ATF3: variants seen among roughly 807,000 people sequenced by gnomAD.
ATF3 encodes activating transcription factor 3.
ATF3 carries 10 observed loss-of-function variants against 18.4 expected under a neutral mutation model. The ratio of observed to expected loss-of-function variants is 0.54; its 90% CI spans 0.34 to 0.92. The LOEUF (loss-of-function observed/expected upper bound fraction) is 0.92, where lower values mean the gene tolerates loss of function less well. Ranked by LOEUF, ATF3 falls within the 40% of genes least tolerant of loss-of-function variation. ATF3 has a pLI of 0.02. For missense variants in ATF3, 183 were observed against 222.3 expected (o/e 0.82, Z 1.12); for synonymous variants, 78 against 87.9 (o/e 0.89, Z 0.63).
chr1:212,597,410 TA>T (rs1163297025), intron 1 of ATF3, among the ~76,000 whole-genome samples: 20 of 124,970 alleles, frequency 1.6e-4, no homozygotes, highest in African/African-American at 6.2e-4. Context: ...GGTACTGAGT[TA>T]CATCTATTTA....
chr1:212,567,767 A>G (rs1162939040), intron 1 of ATF3, among the ~76,000 whole-genome samples: 2 of 152,214 alleles, frequency 1.3e-5, no homozygotes, highest in Non-Finnish European at 2.9e-5. Flanking sequence ...TGGGGGCAGA[A>G]GCCCATGGGG....
At chr1:212,609,726 C>T (rs1341691862) in intron 1 of ATF3, among the ~76,000 whole-genome samples, 1 of 152,230 alleles carries the variant, frequency 6.6e-6, no homozygotes, top group Non-Finnish European at 1.5e-5. Flanking sequence ...CGCGGGAGAC[C>T]CACCGTGGCG....
intron 1 of ATF3, among the ~76,000 whole-genome samples, chr1:212,587,952 G>A (rs759868721): frequency 2.6e-5 from 4 of 152,018 alleles, no homozygotes; most frequent in Non-Finnish European, 4.4e-5. Context: ...CTGGGGCGGC[G>A]GGGGTGGGGG....
chr1:212,568,300 G>A (rs1425043255), intron 1 of ATF3, among the ~76,000 whole-genome samples: 1 of 152,140 alleles, frequency 6.6e-6, no homozygotes, highest in Non-Finnish European at 1.5e-5. Flanking sequence ...GGGCTACCAA[G>A]CTGAATTACA....
At chr1:212,584,552 T>C (rs1054989104) in intron 1 of ATF3, among the ~76,000 whole-genome samples, 2 of 152,116 alleles carry the variant, frequency 1.3e-5, no homozygotes, top group Non-Finnish European at 2.9e-5. Context: ...GCCTTTTTGC[T>C]GTCTTCAGGA....
At position 212,618,395 on chromosome 1, in the gene ATF3, T is replaced by G. The variant is rs1320083834; in HGVS notation, c.348+161T>G. The G allele has an allele frequency of 1.3e-6, 1 of 771,572 alleles. No individual in the cohort carries two copies. The highest frequency in any genetic ancestry group is 1.7e-5 in the African/African-American group (1 of 58,122). The allele number at this position is 771,572 out of a possible 1,614,324, so 47.8% of individuals were successfully genotyped here. On this transcript the variant is annotated intron_variant, in intron 3 of 3. Coordinates refer to ENST00000341491, the MANE Select transcript of ATF3 (RefSeq NM_001674.4). The surrounding 1 kb of genome is among the most constrained non-coding windows in gnomAD (Gnocchi z 4.4). ...AAATGCCAGTTGCAGAATGAGGAGG[T>G]GGCAAAGCAGTTAACACAATGGATG...
chr1:212,566,413 T>A (rs1664384072), intron 1 of ATF3, among the ~76,000 whole-genome samples: 1 of 152,152 alleles, frequency 6.6e-6, no homozygotes, highest in Non-Finnish European at 1.5e-5. Context: ...TTCCCATTTA[T>A]AAAATATGGG....
At chr1:212,590,893 G>A (rs951663178) in intron 1 of ATF3, among the ~76,000 whole-genome samples, 1 of 152,206 alleles carries the variant, frequency 6.6e-6, no homozygotes, top group African/African-American at 2.4e-5. Flanking sequence ...ACTTAGATGA[G>A]GAGGAAAGAC....
intron 1 of ATF3, among the ~76,000 whole-genome samples, chr1:212,568,177 A>T (rs991616704): frequency 6.6e-6 from 1 of 152,252 alleles, no homozygotes; most frequent in African/African-American, 2.4e-5. Flanking sequence ...GCAAGGTGTC[A>T]TTCACATGGA....
At chr1:212,590,625 C>A (rs184686240) in intron 1 of ATF3, among the ~76,000 whole-genome samples, 1 of 152,062 alleles carries the variant, frequency 6.6e-6, no homozygotes, top group Admixed American at 6.6e-5. Context: ...ATTTTTAAAA[C>A]GTAACAGGTG....
At chr1:212,614,424 G>T (rs140457356) in intron 1 of ATF3, among the ~76,000 whole-genome samples, 170 of 152,200 alleles carry the variant, frequency 1.1e-3, no homozygotes, top group African/African-American at 3.5e-3. Flanking sequence ...CCCATTGCTT[G>T]GGCCCAACTT....
chr1:212,600,097 G>T (rs112282904), intron 1 of ATF3, among the ~76,000 whole-genome samples: 48 of 152,310 alleles, frequency 3.2e-4, no homozygotes, highest in African/African-American at 1.2e-3. Context: ...AACAACATAC[G>T]AGAGTGGGGA....
intron 1 of ATF3, among the ~76,000 whole-genome samples, chr1:212,586,987 G>T (rs141123620): frequency 1.3e-5 from 2 of 152,286 alleles, no homozygotes; most frequent in African/African-American, 4.8e-5. Context: ...AGCCCTCCAG[G>T]TGCAGAGAAG....
At chr1:212,601,346 G>A (rs1451577217) in intron 1 of ATF3, among the ~76,000 whole-genome samples, 1 of 152,216 alleles carries the variant, frequency 6.6e-6, no homozygotes, top group Non-Finnish European at 1.5e-5. Context: ...GACATCAGGA[G>A]TAAGAATTTT....
At chr1:212,593,051 AGTG>A in intron 1 of ATF3, among the ~76,000 whole-genome samples, 1 of 151,040 alleles carries the variant, frequency 6.6e-6, no homozygotes, top group African/African-American at 2.5e-5. Context: ...AATGTCCAAC[AGTG>A]ATAGACTGGA....
intron 1 of ATF3, among the ~76,000 whole-genome samples, chr1:212,572,068 T>C (rs1664494532): frequency 6.6e-6 from 1 of 152,250 alleles, no homozygotes; most frequent in Admixed American, 6.5e-5. Flanking sequence ...AAAGTTCTCA[T>C]ATGTACAGTG....
rs1368093527 is a variant in ATF3 at position 212,620,511 on chromosome 1, T to C, written c.*956T>C. ...GGGTGGTACCCAGGCTTTAGCATTATTGGATGTCAATAGCATTGTTTTTGT... is the reference window on the plus strand; with the variant it reads ...GGGTGGTACCCAGGCTTTAGCATTACTGGATGTCAATAGCATTGTTTTTGT... On this transcript the variant is annotated 3_prime_UTR_variant, in exon 4 of 4. Coordinates refer to ENST00000341491, the MANE Select transcript of ATF3 (RefSeq NM_001674.4). 6.6e-6 allele frequency: 1 copy of C among 152,640 alleles called. No individual in the cohort carries two copies. Among genetic ancestry groups the C allele is most frequent in the African/African-American group, 2.4e-5 (1 of 41,456 alleles). The allele number at this position is 152,640 out of a possible 1,614,324, so 9.5% of individuals were successfully genotyped here. A position where few individuals can be genotyped will look rare whatever the true frequency, so the allele number is the denominator to read the frequency against.
intron 1 of ATF3, among the ~76,000 whole-genome samples, chr1:212,595,848 G>A (rs1664982719): frequency 6.6e-6 from 1 of 152,210 alleles, no homozygotes; most frequent in Non-Finnish European, 1.5e-5. Flanking sequence ...AGTCCTAGAG[G>A]TGACTAACAT....
chr1:212,576,857 A>G (rs1284634573), intron 1 of ATF3, among the ~76,000 whole-genome samples: 2 of 149,918 alleles, frequency 1.3e-5, no homozygotes, highest in South Asian at 2.1e-4. Context: ...CCTCCCGAGT[A>G]GATGGGATTA....
Sources: gnomAD v4.1 joint callset for allele counts (sites outside exome capture counted in the v4.1 genomes callset) on GRCh38, gnomAD v4.1.1 for gene constraint, Gnocchi (gnomAD v3.1) non-coding constraint, MANE v1.5 for transcripts, NCBI Gene and HGNC (gene_info 2026-07-23, HGNC 2026-07-21) for gene names.